Variants in KIAA1755 observed in about 807,000 individuals in gnomAD.
KIAA1755 encodes the protein KIAA1755.
A neutral mutation model predicts 91.7 loss-of-function variants in KIAA1755; 68 were observed. The observed-to-expected ratio is 0.74, with a 90% confidence interval of 0.61 to 0.91. KIAA1755 has a LOEUF of 0.91. Ranked by LOEUF, KIAA1755 falls within the 40% of genes least tolerant of loss-of-function variation. The pLI is 0.00. For synonymous variants in KIAA1755, 610 were observed against 604.6 expected (o/e 1.01, Z -0.13); for missense variants, 1,535 against 1,494.4 (o/e 1.03, Z -0.45).
At chr20:38,221,632 G>A (rs990673607) in intron 10 of KIAA1755, among the ~76,000 whole-genome samples, 15 of 152,120 alleles carry the variant, frequency 9.9e-5, no homozygotes, top group African/African-American at 9.7e-5. Context: ...CAGCTACCTC[G>A]GAGTGAATTA....
rs1212385066 is a variant in KIAA1755 at position 38,260,670 on chromosome 20, G to A, written c.-170C>T. On this transcript the variant is annotated 5_prime_UTR_variant, in exon 1 of 14. Coordinates refer to ENST00000279024, the MANE Select transcript of KIAA1755 (RefSeq NM_001029864.2). The stretch of plus-strand genomic sequence containing the variant: ...GGCGTCATCTCGGAGGAGCGGCCGG[G>A]GAGGACAGGGAGAGAGACTGAGAGA... 1.5e-6 allele frequency: 1 copy of A among 651,368 alleles called. No homozygotes were observed. The highest frequency in any genetic ancestry group is 3.3e-5 in the East Asian group (1 of 30,314). The allele number at this position is 651,368 out of a possible 1,614,324, so 40.3% of individuals were successfully genotyped here. A position where few individuals can be genotyped will look rare whatever the true frequency, so the allele number is the denominator to read the frequency against.
At chr20:38,251,996 T>C (rs1380503202) in intron 1 of KIAA1755, among the ~76,000 whole-genome samples, 2 of 152,194 alleles carry the variant, frequency 1.3e-5, no homozygotes, top group Non-Finnish European at 2.9e-5. Context: ...AAGAGCTCCA[T>C]ACTCCAGAGA....
At chr20:38,247,576 G>T (rs2076179908) in intron 1 of KIAA1755, among the ~76,000 whole-genome samples, 1 of 152,214 alleles carries the variant, frequency 6.6e-6, no homozygotes, top group South Asian at 2.1e-4. Context: ...CCATCTAAAG[G>T]CAGGTGTAAT....
At chr20:38,250,755 G>GA (rs969573288) in intron 1 of KIAA1755, among the ~76,000 whole-genome samples, 18 of 151,974 alleles carry the variant, frequency 1.2e-4, no homozygotes, top group African/African-American at 4.1e-4. Context: ...TGTAGCCCAC[G>GA]AAAAAACTGG....
intron 13 of KIAA1755, among the ~76,000 whole-genome samples, chr20:38,216,058 G>A (rs143760916): frequency 5.9e-5 from 9 of 152,268 alleles, no homozygotes; most frequent in East Asian, 1.9e-4. Flanking sequence ...GGATCGGGGC[G>A]ACAATAAAAT....
In KIAA1755 at chr20:38,210,562, C is replaced by T. The variant is rs923743201; in HGVS notation, c.*2480G>A. On this transcript the variant is annotated 3_prime_UTR_variant, in exon 14 of 14. Coordinates refer to ENST00000279024, the MANE Select transcript of KIAA1755 (RefSeq NM_001029864.2). ...TACTCATTATGACATTTCATTTCTG[C>T]ATTCCCTTCTTCCCCAGGGGATGCA... 6.6e-6 allele frequency: 1 copy of T among 152,256 alleles called. No individual in the cohort carries two copies. Among genetic ancestry groups the T allele is most frequent in the African/African-American group, 2.4e-5 (1 of 41,468 alleles). The allele number at this position is 152,256 out of a possible 1,614,324, so 9.4% of individuals were successfully genotyped here. A position where few individuals can be genotyped will look rare whatever the true frequency, so the allele number is the denominator to read the frequency against.
intron 5 of KIAA1755, among the ~76,000 whole-genome samples, chr20:38,230,068 G>T (rs943275452): frequency 6.6e-6 from 1 of 152,168 alleles, no homozygotes; most frequent in Admixed American, 6.5e-5. Flanking sequence ...GGGCTTATTA[G>T]CCAGTCCTGA....
chr20:38,245,839 C>T, intron 2 of KIAA1755, 90 bp downstream of exon 2: 1 of 1,254,060 alleles, frequency 8.0e-7, no homozygotes. Flanking sequence ...AAACAAGACA[C>T]AGGCCAGCCC....
rs1385598011 is a variant in KIAA1755, at chr20:38,236,291, A to G, written c.1747+3237T>C. ...AGAGATGTCTGTGAGACCTCCACGC[A>G]GAGACATCAAGTAGTAAACAGCTGG... On this transcript the variant is annotated intron_variant, in intron 4 of 13. Coordinates refer to ENST00000279024, the MANE Select transcript of KIAA1755 (RefSeq NM_001029864.2). 2.0e-5 allele frequency among the ~76,000 whole-genome samples: 3 copies of G among 152,114 alleles called. 1 individual carries two copies. The South Asian group carries it at 6.2e-4, about 31-fold the overall frequency.
At chr20:38,256,996 G>C (rs533888265) in intron 1 of KIAA1755, among the ~76,000 whole-genome samples, 12 of 152,214 alleles carry the variant, frequency 7.9e-5, no homozygotes, top group African/African-American at 2.9e-4. Flanking sequence ...CTGTGTCTCT[G>C]CTTCCACTGC....
chr20:38,240,439 C>T, intron 3 of KIAA1755, 143 bp downstream of exon 3: 1 of 747,472 alleles, frequency 1.3e-6, no homozygotes, highest in Non-Finnish European at 2.0e-6. Context: ...GACTTCAAGC[C>T]CCTTAACATG....
At chr20:38,215,524 C>T (rs1296604288) in intron 13 of KIAA1755, among the ~76,000 whole-genome samples, 2 of 152,164 alleles carry the variant, frequency 1.3e-5, no homozygotes, top group African/African-American at 4.8e-5. Context: ...AAAGTGAGCA[C>T]CCAGAAGCGA....
intron 9 of KIAA1755, chr20:38,223,131 G>A (rs1393765654): frequency 5.1e-6 from 1 of 196,492 alleles, no homozygotes; most frequent in Non-Finnish European, 1.0e-5. Flanking sequence ...CCCCTGCCTG[G>A]AGCACAGCCC....
chr20:38,250,824 T>C, intron 1 of KIAA1755, among the ~76,000 whole-genome samples: 1 of 151,632 alleles, frequency 6.6e-6, no homozygotes, highest in East Asian at 1.9e-4. Context: ...TCTACACAGG[T>C]GGGGATATGT....
At chr20:38,224,798 A>G (rs1357651205) in intron 8 of KIAA1755, among the ~76,000 whole-genome samples, 1 of 152,120 alleles carries the variant, frequency 6.6e-6, no homozygotes, top group African/African-American at 2.4e-5. Flanking sequence ...CCCTCGCCCT[A>G]TGTGTCCTCG....
In KIAA1755 at chr20:38,235,230, G is replaced by A. The variant is rs940905997; in HGVS notation, c.1748-3905C>T. ...CTATATGGAGCAACTGAGAGCTCAG[G>A]GTGAGGTCTCAATCTCAGGGGCTCT... On this transcript the variant is annotated intron_variant, in intron 4 of 13. Transcript: ENST00000279024. Among the ~76,000 whole-genome samples the A allele has an allele frequency of 2.0e-5, 3 of 152,298 alleles. No individual in the cohort carries two copies. The East Asian group carries it at 5.8e-4, about 29-fold the overall frequency.
chr20:38,219,864 C>A, intron 10 of KIAA1755, 96 bp from the exon 11 acceptor site: 2 of 1,492,462 alleles, frequency 1.3e-6, no homozygotes, highest in Non-Finnish European at 1.8e-6. Flanking sequence ...TCTCTGTGGC[C>A]CCAGCCTGGG....
chr20:38,232,329 TA>T (rs971063377), intron 4 of KIAA1755, among the ~76,000 whole-genome samples: 20 of 150,612 alleles, frequency 1.3e-4, no homozygotes, highest in Admixed American at 7.3e-4. Context: ...ATTTTTAAAA[TA>T]AAAAAAAAAT....
At chr20:38,260,445 CTGTG>C in intron 1 of KIAA1755, 49 bp downstream of exon 1, 1 of 1,531,560 alleles carries the variant, frequency 6.5e-7, no homozygotes, top group Non-Finnish European at 8.8e-7. Context: ...ATGGGGAGGG[CTGTG>C]CCCACTGAAA....
Sources: allele counts gnomAD v4.1 joint callset (sites outside exome capture counted in the v4.1 genomes callset), GRCh38; gene constraint gnomAD v4.1.1; transcripts MANE v1.5; gene names NCBI Gene and HGNC (gene_info 2026-07-23, HGNC 2026-07-21).